COA8: variants seen among roughly 807,000 people sequenced by gnomAD.
COA8 encodes UPF0671 protein C14orf153.
COA8 carries 20 observed loss-of-function variants against 22.0 expected under a neutral mutation model. That is an observed-to-expected ratio of 0.91 (90% CI 0.64 to 1.32). COA8 has a LOEUF of 1.32. Among genes scored for constraint, COA8 ranks in the 40% most tolerant of loss-of-function variants. The probability of loss-of-function intolerance (pLI) is 0.00; values close to 1 mark genes in which losing one functional copy is unlikely to be tolerated. For missense variants in COA8, 266 were observed against 230.0 expected, an observed-to-expected ratio of 1.16 and a Z score of -1.01; for synonymous variants, 105 against 79.9, an observed-to-expected ratio of 1.31 and a Z score of -1.68.
At chr14:103,586,023 C>G (rs2076304037) in intron 3 of COA8, among the ~76,000 whole-genome samples, 1 of 151,688 alleles carries the variant, frequency 6.6e-6, no homozygotes, top group Non-Finnish European at 1.5e-5. Context: ...ACCTCAGCCT[C>G]CTGAGTAGCT....
intron 1 of COA8, among the ~76,000 whole-genome samples, chr14:103,569,865 G>T (rs542485550): frequency 2.1e-3 from 314 of 151,266 alleles, no homozygotes; most frequent in Non-Finnish European, 3.1e-3. Context: ...TTGTTTGTTT[G>T]TTTTTTTTTG....
intron 3 of COA8, among the ~76,000 whole-genome samples, chr14:103,582,214 G>A (rs1326371731): frequency 6.6e-6 from 1 of 152,166 alleles, no homozygotes; most frequent in Non-Finnish European, 1.5e-5. Flanking sequence ...GTCAGAGTGC[G>A]CCTCCTGCAC....
At chr14:103,565,768 A>AC (rs1057470338) in intron 1 of COA8, among the ~76,000 whole-genome samples, 1 of 151,858 alleles carries the variant, frequency 6.6e-6, no homozygotes, top group Admixed American at 6.6e-5. Context: ...GGTGCCTACC[A>AC]CCATGCCCGG....
chr14:103,577,575 C>T (rs553259530), intron 3 of COA8, among the ~76,000 whole-genome samples: 1 of 152,182 alleles, frequency 6.6e-6, no homozygotes, highest in African/African-American at 2.4e-5. Context: ...GCTCATGAAT[C>T]ATCTCTAAGA....
intron 1 of COA8, among the ~76,000 whole-genome samples, chr14:103,564,388 C>T (rs1040631915): frequency 1.5e-4 from 23 of 152,014 alleles, no homozygotes; most frequent in South Asian, 2.1e-4. Flanking sequence ...GAAACCCACC[C>T]AGCATCTCTA....
rs145504708 is a variant in COA8, at chr14:103,579,918, A to C, written c.385+5748A>C. On this transcript the variant is annotated intron_variant, in intron 3 of 4. Coordinates refer to ENST00000409074, the MANE Select transcript of COA8 (RefSeq NM_001370595.2). ...ATGGAGGCTGCAGTGAGCCGAGATC[A>C]TGCCACTGCACTCTAGCCTGGGCAA... Among the ~76,000 whole-genome samples the C allele has an allele frequency of 7.6e-3, 1,092 of 144,492 alleles. 71 individuals are homozygous for C. In the East Asian group the frequency reaches 0.17, roughly 23 times the overall value. 94.8% of individuals were successfully genotyped at this position (144,492 alleles called of 152,430 possible). A position where few individuals can be genotyped will look rare whatever the true frequency, so the allele number is the denominator to read the frequency against.
Position 103,584,675 on chromosome 14 carries a change from G to A in COA8, c.386-2599G>A, listed in dbSNP as rs530716435. On this transcript the variant is annotated intron_variant, in intron 3 of 4. Coordinates refer to ENST00000409074, the MANE Select transcript of COA8 (RefSeq NM_001370595.2). The stretch of plus-strand genomic sequence containing the variant: ...AGAGTTCTAATTTCTCTACATCCTT[G>A]TCAACACTTGTTATTGTCTGTGTTT... Among the ~76,000 whole-genome samples, 47 of 152,106 alleles carry A rather than the reference G, an allele frequency of 3.1e-4. 1 individual carries two copies. Among genetic ancestry groups the A allele is most frequent in the Admixed American group, 9.8e-4 (15 of 15,258 alleles).
chr14:103,572,113 C>T (rs3742460), intron 2 of COA8, among the ~76,000 whole-genome samples: 2 of 150,390 alleles, frequency 1.3e-5, no homozygotes, highest in East Asian at 1.9e-4. Flanking sequence ...GGTGACAGAG[C>T]CAGACTCGTC....
chr14:103,575,978 C>T (rs1048882152), intron 3 of COA8, among the ~76,000 whole-genome samples: 2 of 151,370 alleles, frequency 1.3e-5, no homozygotes, highest in African/African-American at 4.8e-5. Flanking sequence ...GCTGGGATTA[C>T]AGGCGTGAGC....
intron 3 of COA8, among the ~76,000 whole-genome samples, chr14:103,582,375 C>G (rs955056434): frequency 6.6e-6 from 1 of 151,930 alleles, no homozygotes; most frequent in Non-Finnish European, 1.5e-5. Context: ...GGCCTTCCTA[C>G]CTCTCTTGCG....
intron 1 of COA8, among the ~76,000 whole-genome samples, chr14:103,569,226 A>G (rs948160638): frequency 2.6e-5 from 4 of 152,222 alleles, no homozygotes; most frequent in Non-Finnish European, 5.9e-5. Flanking sequence ...CCTCTTACCA[A>G]AGGACATTTT....
chr14:103,584,760 G>A lies in COA8; in HGVS notation c.386-2514G>A, dbSNP rs549283690. On this transcript the variant is annotated intron_variant, in intron 3 of 4. Coordinates refer to ENST00000409074, the MANE Select transcript of COA8 (RefSeq NM_001370595.2). ...GCCTTTGTCTTTCTGATTTCCCGTG[G>A]TGTTGAGCATCTTGTCATGTGCTTA... Among the ~76,000 whole-genome samples the A allele has an allele frequency of 3.9e-5, 6 of 152,228 alleles. No individual in the cohort carries two copies. In the South Asian group the frequency reaches 1.2e-3, roughly 32 times the overall value.
At chr14:103,580,737 C>T (rs906211968) in intron 3 of COA8, among the ~76,000 whole-genome samples, 3 of 151,906 alleles carry the variant, frequency 2.0e-5, no homozygotes, top group African/African-American at 7.3e-5. Context: ...CTCAGATCCA[C>T]CCACCTCAGC....
Position 103,563,055 on chromosome 14 carries a change from C to G in COA8, c.54C>G (p.Ala18=). 3 of 1,539,180 alleles carry G rather than the reference C, an allele frequency of 1.9e-6. No homozygotes were observed. The highest frequency in any genetic ancestry group is 2.4e-5 in the South Asian group (2 of 84,444). The part of the protein sequence containing the change: ...KKTFLPPLCR[A]FACRGCQLAP... ...CCTTTCTCCCCCCTCTCTGCCGCGCCTTCGCCTGCCGCGGCTGTCAACTCG... is the reference window on the plus strand; with the variant it reads ...CCTTTCTCCCCCCTCTCTGCCGCGCGTTCGCCTGCCGCGGCTGTCAACTCG... Residue 18 remains alanine, a synonymous_variant, in exon 1 of 5, where the codon GCC becomes GCG. Coordinates refer to ENST00000409074, the MANE Select transcript of COA8 (RefSeq NM_001370595.2).
chr14:103,586,204 T>TA (rs1291966456), intron 3 of COA8, among the ~76,000 whole-genome samples: 1 of 139,864 alleles, frequency 7.1e-6, no homozygotes, highest in Non-Finnish European at 1.5e-5. Flanking sequence ...CCTGGCCTTT[T>TA]TTTTTTTTTT....
intron 4 of COA8, among the ~76,000 whole-genome samples, chr14:103,589,047 G>A (rs2076331606): frequency 6.6e-6 from 1 of 152,062 alleles, no homozygotes; most frequent in Admixed American, 6.6e-5. Flanking sequence ...GTCTCTGATG[G>A]GCTTCATGTT....
chr14:103,572,139 G>GA (rs1320181361), intron 2 of COA8, among the ~76,000 whole-genome samples: 5 of 149,990 alleles, frequency 3.3e-5, no homozygotes, highest in African/African-American at 7.4e-5. Flanking sequence ...AAAAAAAAAA[G>GA]AAAAAAAAGT....
At chr14:103,587,536 T>C (rs1193818640) in intron 4 of COA8, among the ~76,000 whole-genome samples, 172 bp downstream of exon 4, 3 of 149,174 alleles carry the variant, frequency 2.0e-5, no homozygotes, top group South Asian at 2.1e-4. Context: ...GAGACGGAGT[T>C]TCGCTCTCTC....
intron 1 of COA8, among the ~76,000 whole-genome samples, chr14:103,569,936 A>C (rs887542831): frequency 1.3e-5 from 2 of 152,084 alleles, no homozygotes; most frequent in Non-Finnish European, 2.9e-5. Context: ...GGCTCACTGC[A>C]ACCTCTGCCT....
Sources: allele counts gnomAD v4.1 joint callset (sites outside exome capture counted in the v4.1 genomes callset), GRCh38; gene constraint gnomAD v4.1.1; transcripts MANE v1.5; gene names NCBI Gene and HGNC (gene_info 2026-07-23, HGNC 2026-07-21).